DLGAP2: variants seen among roughly 807,000 people sequenced by gnomAD.
DLGAP2 encodes disks large-associated protein 2.
In DLGAP2, 26 loss-of-function variants were observed where a neutral mutation model predicts 100.3. That is an observed-to-expected ratio of 0.26 (90% CI 0.19 to 0.36). The LOEUF (loss-of-function observed/expected upper bound fraction) is 0.36, where lower values mean the gene tolerates loss of function less well. DLGAP2 is among the 10% of genes least tolerant of loss of function. The pLI, the probability that DLGAP2 is intolerant of heterozygous loss-of-function variation, is 1.00. For missense variants in DLGAP2, 1,858 were observed against 1,453.2 expected (o/e 1.28, Z -4.53); for synonymous variants, 886 against 630.1 (o/e 1.41, Z -6.08).
chr8:1,676,720 T>C, intron 11 of DLGAP2, 102 bp downstream of exon 11: 1 of 1,184,478 alleles, frequency 8.4e-7, no homozygotes, highest in African/African-American at 1.5e-5. Flanking sequence ...ATCATGCCTG[T>C]CCTTGTGGAA....
intron 1 of DLGAP2, among the ~76,000 whole-genome samples, chr8:884,891 C>T (rs947858673): frequency 6.6e-6 from 1 of 152,124 alleles, no homozygotes; most frequent in African/African-American, 2.4e-5. Flanking sequence ...AATAGGAGAT[C>T]CTTTCTCCAT....
intron 1 of DLGAP2, among the ~76,000 whole-genome samples, chr8:786,857 G>T (rs1471645574): frequency 1.3e-5 from 2 of 151,686 alleles, no homozygotes; most frequent in Non-Finnish European, 2.9e-5. Flanking sequence ...GTGGCTTCTT[G>T]GAGGGGTTAC....
intron 1 of DLGAP2, among the ~76,000 whole-genome samples, chr8:858,528 C>A (rs1797325726): frequency 6.6e-6 from 1 of 151,828 alleles, no homozygotes. Flanking sequence ...TCACCGTGGG[C>A]ACGTGTAATG....
intron 3 of DLGAP2, among the ~76,000 whole-genome samples, chr8:1,456,755 T>G (rs1798324539): frequency 6.7e-6 from 1 of 149,478 alleles, no homozygotes; most frequent in African/African-American, 2.6e-5. Flanking sequence ...CAGCAGGCTG[T>G]GCCAGGCTGT....
intron 2 of DLGAP2, among the ~76,000 whole-genome samples, chr8:1,179,373 C>T (rs1163592895): frequency 6.6e-6 from 1 of 152,184 alleles, no homozygotes; most frequent in Middle Eastern, 3.2e-3. Flanking sequence ...GAGTGCTTCG[C>T]TGGGGGACTC....
At chr8:767,133 G>A (rs1392122783) in intron 1 of DLGAP2, among the ~76,000 whole-genome samples, 2 of 152,110 alleles carry the variant, frequency 1.3e-5, no homozygotes, top group African/African-American at 2.4e-5. Flanking sequence ...TGGTGTCCTG[G>A]TTATGAGCCG....
chr8:1,431,291 A>G (rs1797427073), intron 3 of DLGAP2, among the ~76,000 whole-genome samples: 1 of 152,234 alleles, frequency 6.6e-6, no homozygotes, highest in Admixed American at 6.5e-5. Flanking sequence ...TAATGTTTTT[A>G]AAGACTAAAA....
chr8:951,816 G>A (rs930348912), intron 2 of DLGAP2, among the ~76,000 whole-genome samples: 5 of 152,196 alleles, frequency 3.3e-5, no homozygotes, highest in African/African-American at 1.2e-4. Context: ...AGTGGCTAAA[G>A]GCGGTCTCAA....
At chr8:1,672,308 C>T (rs1419799072) in intron 10 of DLGAP2, among the ~76,000 whole-genome samples, 2 of 151,686 alleles carry the variant, frequency 1.3e-5, no homozygotes, top group Admixed American at 1.3e-4. Context: ...TCACTGCAGC[C>T]TCCGCCTCCA....
chr8:1,506,193 C>G (rs1000740679), intron 4 of DLGAP2, among the ~76,000 whole-genome samples: 9 of 152,214 alleles, frequency 5.9e-5, no homozygotes, highest in African/African-American at 2.2e-4. Flanking sequence ...CATATCTTGT[C>G]TCACAGGAAT....
chr8:1,245,435 C>T (rs1310401877), intron 2 of DLGAP2, among the ~76,000 whole-genome samples: 1 of 152,198 alleles, frequency 6.6e-6, no homozygotes, highest in Non-Finnish European at 1.5e-5. Flanking sequence ...AGCACCGATG[C>T]ATGCTGTGAC....
At chr8:1,270,471 G>T (rs1446040580) in intron 3 of DLGAP2, among the ~76,000 whole-genome samples, 1 of 152,146 alleles carries the variant, frequency 6.6e-6, no homozygotes. Flanking sequence ...TTCCACTCTT[G>T]CCTTACGTCC....
intron 3 of DLGAP2, among the ~76,000 whole-genome samples, chr8:1,265,624 C>T (rs73168495): frequency 1.6e-4 from 25 of 152,252 alleles, no homozygotes; most frequent in Non-Finnish European, 3.1e-4. Flanking sequence ...AGACTGAAGC[C>T]AGACAAGTAC....
rs1276528567 is a variant in DLGAP2 at position 1,678,439 on chromosome 8, C to A, written c.2514C>A (p.Asp838Glu). 6.2e-7 allele frequency: 1 copy of A among 1,613,564 alleles called. No individual in the cohort carries two copies. The highest frequency in any genetic ancestry group is 1.7e-5 in the Admixed American group (1 of 59,982). ...GAGAAGACTATCGGACCCAAGTGGA[C>A]ACCTCCACCCTGCCCCCTCCAGACC... Reference protein sequence around the residue: ...SYREDYRTQVDTSTLPPPDPW... With the variant: ...SYREDYRTQVETSTLPPPDPW... Residue 838 changes from aspartate (D) to glutamate (E), a missense_variant, in exon 12 of 15, where the codon GAC (aspartate) becomes GAA (glutamate). Asp to Glu is a conservative substitution (Grantham distance 45). Transcript: ENST00000637795.
intron 2 of DLGAP2, among the ~76,000 whole-genome samples, chr8:1,249,913 C>G (rs1798999290): frequency 6.6e-6 from 1 of 152,082 alleles, no homozygotes; most frequent in Non-Finnish European, 1.5e-5. Flanking sequence ...GAGAGTCTTG[C>G]TCTGTCACCC....
chr8:746,594 CCCT>C (rs761209318), intron 1 of DLGAP2, among the ~76,000 whole-genome samples: 18 of 152,248 alleles, frequency 1.2e-4, no homozygotes, highest in Non-Finnish European at 1.8e-4. Context: ...GGGCATGAGC[CCCT>C]CATCTGCTGA....
At chr8:1,445,507 G>A (rs1216445522) in intron 3 of DLGAP2, among the ~76,000 whole-genome samples, 2 of 151,922 alleles carry the variant, frequency 1.3e-5, no homozygotes, top group African/African-American at 4.8e-5. Flanking sequence ...CATTTGGGTT[G>A]GTTCCAAGTC....
At chr8:902,377 G>C (rs1220131882) in intron 1 of DLGAP2, among the ~76,000 whole-genome samples, 1 of 150,568 alleles carries the variant, frequency 6.6e-6, no homozygotes, top group African/African-American at 2.4e-5. Context: ...GGCACTCCAA[G>C]GGCAGCCGGA....
intron 3 of DLGAP2, among the ~76,000 whole-genome samples, chr8:1,443,241 G>A (rs565045733): frequency 6.6e-6 from 1 of 152,146 alleles, no homozygotes; most frequent in East Asian, 1.9e-4. Context: ...ACTGCCCACA[G>A]ATAATCGCAG....
Sources: gnomAD v4.1 joint callset for allele counts (sites outside exome capture counted in the v4.1 genomes callset) on GRCh38, gnomAD v4.1.1 for gene constraint, MANE v1.5 for transcripts, NCBI Gene and HGNC (gene_info 2026-07-23, HGNC 2026-07-21) for gene names.